Variants in CTNNA3 observed in about 807,000 individuals in gnomAD.
CTNNA3 encodes catenin alpha 3, also known as catenin alpha-3.
A neutral mutation model predicts 95.7 loss-of-function variants in CTNNA3; 76 were observed. The ratio of observed to expected loss-of-function variants is 0.79; its 90% CI spans 0.66 to 0.96. The LOEUF is 0.96. CTNNA3 is among the 40% of genes least tolerant of loss of function. CTNNA3 has a pLI of 0.00. For missense variants in CTNNA3, 1,191 were observed against 1,089.8 expected, an observed-to-expected ratio of 1.09 and a Z score of -1.31; for synonymous variants, 431 against 374.4, an observed-to-expected ratio of 1.15 and a Z score of -1.74.
intron 15 of CTNNA3, among the ~76,000 whole-genome samples, chr10:66,007,965 CA>C (rs947963032): frequency 1.3e-5 from 2 of 151,888 alleles, no homozygotes; most frequent in African/African-American, 4.8e-5. Context: ...CCTTTTTCTA[CA>C]ACAGATCTAT....
At chr10:66,199,670 C>T (rs1184598139) in intron 13 of CTNNA3, among the ~76,000 whole-genome samples, 7 of 147,828 alleles carry the variant, frequency 4.7e-5, no homozygotes, top group Non-Finnish European at 8.9e-5. Context: ...GGGGTGATCT[C>T]GGCTCACTGC....
At chr10:66,258,200 A>C (rs879785495) in intron 13 of CTNNA3, among the ~76,000 whole-genome samples, 3 of 152,206 alleles carry the variant, frequency 2.0e-5, no homozygotes, top group Admixed American at 1.3e-4. Context: ...TGTTTTAGAC[A>C]AAAATACAGT....
chr10:66,753,531 G>A (rs1473015572), intron 9 of CTNNA3, among the ~76,000 whole-genome samples: 3 of 151,664 alleles, frequency 2.0e-5, no homozygotes, highest in African/African-American at 7.3e-5. Flanking sequence ...GCGTGGTGGT[G>A]GGCACCCGTA....
chr10:66,010,424 A>C (rs1168508873), intron 15 of CTNNA3, among the ~76,000 whole-genome samples: 4 of 152,246 alleles, frequency 2.6e-5, no homozygotes. Context: ...AACAAAAAAC[A>C]AAAGGAGAAA....
intron 15 of CTNNA3, among the ~76,000 whole-genome samples, chr10:66,021,852 CTT>C (rs34671813): frequency 4.0e-4 from 30 of 75,934 alleles, no homozygotes; most frequent in South Asian, 3.1e-3. Context: ...AGGATCTTGG[CTT>C]TTTTTTTTTT....
chr10:67,625,839 C>A (rs1235780777), intron 2 of CTNNA3, among the ~76,000 whole-genome samples: 1 of 151,980 alleles, frequency 6.6e-6, no homozygotes, highest in Non-Finnish European at 1.5e-5. Flanking sequence ...GGGAACCAGC[C>A]CCTTGGAGAT....
intron 17 of CTNNA3, among the ~76,000 whole-genome samples, chr10:65,925,388 C>T (rs1354227688): frequency 2.6e-5 from 4 of 152,172 alleles, no homozygotes; most frequent in Admixed American, 2.6e-4. Flanking sequence ...TTCTCTTCCT[C>T]TCTACCTTCT....
At chr10:65,989,218 C>T (rs1229958413) in intron 15 of CTNNA3, among the ~76,000 whole-genome samples, 1 of 152,138 alleles carries the variant, frequency 6.6e-6, no homozygotes. Context: ...GGATTACAGG[C>T]GTGAGCCGCC....
intron 2 of CTNNA3, among the ~76,000 whole-genome samples, chr10:67,645,687 G>A (rs1839682469): frequency 6.6e-6 from 1 of 151,698 alleles, no homozygotes; most frequent in South Asian, 2.1e-4. Flanking sequence ...TGACAAAAAT[G>A]TATATACAAA....
intron 3 of CTNNA3, among the ~76,000 whole-genome samples, chr10:67,565,844 T>C (rs1377231857): frequency 7.1e-6 from 1 of 140,396 alleles, no homozygotes; most frequent in Non-Finnish European, 1.5e-5. Context: ...AGCCATCCAC[T>C]ACTGAATATC....
At chr10:66,950,344 G>T (rs576728586) in intron 7 of CTNNA3, among the ~76,000 whole-genome samples, 1 of 151,586 alleles carries the variant, frequency 6.6e-6, no homozygotes, top group Non-Finnish European at 1.5e-5. Context: ...AATTTTACAG[G>T]GAGGAAAAAA....
chr10:67,605,786 C>T (rs924641517), intron 3 of CTNNA3, among the ~76,000 whole-genome samples: 2 of 151,978 alleles, frequency 1.3e-5, no homozygotes, highest in Non-Finnish European at 1.5e-5. Flanking sequence ...TCAAGCGATT[C>T]TCCTGCTTCA....
chr10:67,286,308 A>G (rs1839601932), intron 5 of CTNNA3, among the ~76,000 whole-genome samples: 1 of 152,214 alleles, frequency 6.6e-6, no homozygotes, highest in African/African-American at 2.4e-5. Flanking sequence ...TTAAATGACC[A>G]TGTGTGGGAA....
intron 12 of CTNNA3, among the ~76,000 whole-genome samples, chr10:66,291,353 C>T (rs1014596722): frequency 1.3e-5 from 2 of 152,148 alleles, no homozygotes; most frequent in Non-Finnish European, 2.9e-5. Context: ...AGGCCCCACC[C>T]ATGGAGTTCC....
intron 5 of CTNNA3, among the ~76,000 whole-genome samples, chr10:67,373,148 C>T (rs1199318371): frequency 6.6e-6 from 1 of 152,122 alleles, no homozygotes. Context: ...TGTAAATGGG[C>T]TAAATGCTCC....
chr10:67,445,340 G>A (rs977015142), intron 5 of CTNNA3, among the ~76,000 whole-genome samples: 2 of 151,588 alleles, frequency 1.3e-5, no homozygotes, highest in Non-Finnish European at 1.5e-5. Flanking sequence ...TAATATTATT[G>A]AATATAAATG....
At chr10:67,390,979 C>A (rs573187004) in intron 5 of CTNNA3, among the ~76,000 whole-genome samples, 41 of 152,282 alleles carry the variant, frequency 2.7e-4, no homozygotes, top group African/African-American at 8.9e-4. Context: ...AGAAGCATTG[C>A]CTTTGAAAAC....
chr10:67,067,894 T>C (rs547290068), intron 7 of CTNNA3, among the ~76,000 whole-genome samples: 212 of 152,318 alleles, frequency 1.4e-3, no homozygotes, highest in Non-Finnish European at 2.8e-3. Context: ...ACAGGGTCCA[T>C]TGGCAACACA....
intron 15 of CTNNA3, among the ~76,000 whole-genome samples, chr10:66,001,528 T>TGTA (rs1564569837): frequency 6.6e-6 from 1 of 152,200 alleles, no homozygotes; most frequent in Non-Finnish European, 1.5e-5. Context: ...TGATTAGCCA[T>TGTA]GTAGTCTTCA....
Sources: gnomAD v4.1 joint callset for allele counts (sites outside exome capture counted in the v4.1 genomes callset) on GRCh38, gnomAD v4.1.1 for gene constraint, MANE v1.5 for transcripts, NCBI Gene and HGNC (gene_info 2026-07-23, HGNC 2026-07-21) for gene names.